SMAGP: variants seen among roughly 807,000 people sequenced by gnomAD.
SMAGP encodes small cell transmembrane and glycosylated protein.
In SMAGP, 7 loss-of-function variants were observed where a neutral mutation model predicts 10.1. The observed-to-expected ratio is 0.70, with a 90% confidence interval of 0.40 to 1.31. SMAGP has a LOEUF of 1.31. Ranked by LOEUF, SMAGP falls within the 50% of genes most tolerant of loss-of-function variation. SMAGP has a pLI of 0.01. For missense variants in SMAGP, 113 were observed against 116.5 expected (o/e 0.97, Z 0.14); for synonymous variants, 49 against 47.2 (o/e 1.04, Z -0.16).
At chr12:51,267,985 A>AG (rs1461861467) in intron 2 of SMAGP, among the ~76,000 whole-genome samples, 3 of 152,214 alleles carry the variant, frequency 2.0e-5, no homozygotes, top group Admixed American at 2.0e-4. Context: ...AGACCAACCA[A>AG]GGGTTTGTTC....
chr12:51,267,551 TG>T (rs1944987082), intron 2 of SMAGP, among the ~76,000 whole-genome samples: 2 of 137,000 alleles, frequency 1.5e-5, no homozygotes, highest in Non-Finnish European at 3.1e-5. Flanking sequence ...CGGAGTGCAG[TG>T]GCATGATCTC....
chr12:51,262,634 A>G (rs941310954), intron 2 of SMAGP, among the ~76,000 whole-genome samples: 2 of 152,188 alleles, frequency 1.3e-5, no homozygotes, highest in African/African-American at 4.8e-5. Context: ...ATAGCACTAC[A>G]GTCTTTCCAA....
intron 2 of SMAGP, among the ~76,000 whole-genome samples, chr12:51,247,382 C>T (rs1386319166): frequency 6.6e-6 from 1 of 152,140 alleles, no homozygotes; most frequent in East Asian, 1.9e-4. Flanking sequence ...TGCTCCTCTC[C>T]TATTAAAAAC....
At chr12:51,266,770 T>A (rs186361807) in intron 2 of SMAGP, among the ~76,000 whole-genome samples, 1 of 152,272 alleles carries the variant, frequency 6.6e-6, no homozygotes, top group African/African-American at 2.4e-5. Flanking sequence ...TACCACTGAA[T>A]TGTCTGCGAA....
At chr12:51,267,556 T>C in intron 2 of SMAGP, among the ~76,000 whole-genome samples, 1 of 144,168 alleles carries the variant, frequency 6.9e-6, no homozygotes, top group Non-Finnish European at 1.5e-5. Context: ...TGCAGTGGCA[T>C]GATCTCGGCT....
At chr12:51,267,729 AG>A (rs1396561081) in intron 2 of SMAGP, among the ~76,000 whole-genome samples, 1 of 151,976 alleles carries the variant, frequency 6.6e-6, no homozygotes, top group Non-Finnish European at 1.5e-5. Context: ...TCCTGAGCTC[AG>A]TCTGCCTGCC....
chr12:51,255,746 C>G (rs868114066), intron 2 of SMAGP, among the ~76,000 whole-genome samples: 1 of 152,164 alleles, frequency 6.6e-6, no homozygotes, highest in East Asian at 1.9e-4. Context: ...TGCACAGTTG[C>G]ATCTGCCAAA....
At chr12:51,246,903 A>G in intron 2 of SMAGP, 72 bp from the exon 3 acceptor site, 1 of 1,110,966 alleles carries the variant, frequency 9.0e-7, no homozygotes, top group Non-Finnish European at 1.3e-6. Context: ...TTTGGCCTTC[A>G]AATTTCACCA....
rs12582410 is a variant in SMAGP, at chr12:51,254,898, G to A, written c.35-8067C>T. On this transcript the variant is annotated intron_variant, in intron 2 of 3. Transcript: ENST00000603798. Reference sequence around the variant, plus strand: ...GAGGCCCCTGAGTGGGAGTAACGGGGAGAGGAGGAGCAGAGAAAGTCAAGG... The same window carrying A: ...GAGGCCCCTGAGTGGGAGTAACGGGAAGAGGAGGAGCAGAGAAAGTCAAGG... 0.013 allele frequency among the ~76,000 whole-genome samples: 2,034 copies of A among 152,322 alleles called. 82 individuals carry two copies. In the East Asian group the frequency reaches 0.14, roughly 11 times the overall value.
intron 2 of SMAGP, among the ~76,000 whole-genome samples, chr12:51,260,189 T>C (rs1453260926): frequency 2.0e-5 from 3 of 151,244 alleles, no homozygotes; most frequent in African/African-American, 7.3e-5. Context: ...GCTGAGTTCA[T>C]CTGGGTGTCA....
chr12:51,269,999 T>G (rs1418508352), intron 1 of SMAGP: 1 of 151,720 alleles, frequency 6.6e-6, no homozygotes, highest in Non-Finnish European at 1.5e-5. Flanking sequence ...CGGGCTGGGT[T>G]GGTCCTCGCC....
In SMAGP at chr12:51,245,822, CT is replaced by C; in HGVS notation, c.*118del. ...ATTTGGGACTGCGACCTGGCTGGAG[CT>C]TGGATTTGCCCACATCAATCAATGC... On this transcript the variant is annotated 3_prime_UTR_variant, in exon 4 of 4. Coordinates refer to ENST00000603798, the MANE Select transcript of SMAGP (RefSeq NM_001031628.2). 1 of 1,186,302 alleles carries C rather than the reference CT, an allele frequency of 8.4e-7. No individual in the cohort carries two copies. Among genetic ancestry groups the C allele is most frequent in the Non-Finnish European group, 1.2e-6 (1 of 855,594 alleles). 73.5% of individuals were successfully genotyped at this position (1,186,302 alleles called of 1,614,324 possible).
At chr12:51,253,399 G>A (rs1944858226) in intron 2 of SMAGP, among the ~76,000 whole-genome samples, 1 of 152,144 alleles carries the variant, frequency 6.6e-6, no homozygotes, top group Non-Finnish European at 1.5e-5. Flanking sequence ...ATTGCTGGGT[G>A]GGTATGATCC....
At chr12:51,258,340 G>T (rs571803209) in intron 2 of SMAGP, among the ~76,000 whole-genome samples, 1 of 152,186 alleles carries the variant, frequency 6.6e-6, no homozygotes, top group Non-Finnish European at 1.5e-5. Context: ...CCAGCATTTT[G>T]GGAGGCTGAG....
At position 51,260,890 on chromosome 12, in the gene SMAGP, G is replaced by A. The variant is rs143975070; in HGVS notation, c.34+8355C>T. Among the ~76,000 whole-genome samples the A allele has an allele frequency of 5.1e-3, 771 of 150,698 alleles. 28 individuals carry two copies. The East Asian group carries it at 0.1, about 20-fold the overall frequency. The stretch of plus-strand genomic sequence containing the variant: ...TTTAGTAGAGACGGGGTTTCACCAT[G>A]TTAGCCAGGATGGTCTCGATCTCCT... On this transcript the variant is annotated intron_variant, in intron 2 of 3. Transcript: ENST00000603798.
chr12:51,262,406 G>A (rs762765437), intron 2 of SMAGP, among the ~76,000 whole-genome samples: 11 of 152,088 alleles, frequency 7.2e-5, no homozygotes, highest in Non-Finnish European at 1.5e-4. Context: ...CCTGAGTCTG[G>A]GAAGGTTGAG....
At chr12:51,257,140 A>G (rs1565658947) in intron 2 of SMAGP, among the ~76,000 whole-genome samples, 1 of 152,120 alleles carries the variant, frequency 6.6e-6, no homozygotes, top group Non-Finnish European at 1.5e-5. Context: ...GGGAGTTCAA[A>G]TTTGTTTGTT....
chr12:51,253,602 A>AG, intron 2 of SMAGP: 1 of 152,250 alleles, frequency 6.6e-6, no homozygotes, highest in East Asian at 1.9e-4. Context: ...TTCTAAAAAA[A>AG]AACAAAAAAC....
At chr12:51,253,042 A>G (rs1037491907) in intron 2 of SMAGP, among the ~76,000 whole-genome samples, 16 of 152,286 alleles carry the variant, frequency 1.1e-4, no homozygotes, top group African/African-American at 1.4e-4. Context: ...TGAAGGGGCC[A>G]TGGAAGGAAG....
Sources: gnomAD v4.1 joint callset for allele counts (sites outside exome capture counted in the v4.1 genomes callset) on GRCh38, gnomAD v4.1.1 for gene constraint, MANE v1.5 for transcripts, NCBI Gene and HGNC (gene_info 2026-07-23, HGNC 2026-07-21) for gene names.